The following LOC128125817 variants were observed in gnomAD, a reference collection of about 807,000 sequenced individuals.
chr1:41,599,763 G>A, the LOC128125817 span, among the ~76,000 whole-genome samples: 1 of 152,108 alleles, frequency 6.6e-6, no homozygotes, highest in Non-Finnish European at 1.5e-5. Flanking sequence ...TTCTATGCGT[G>A]AAAGGACAAC....
At chr1:41,625,663 A>C in the LOC128125817 span, among the ~76,000 whole-genome samples, 2 of 152,210 alleles carry the variant, frequency 1.3e-5, no homozygotes, top group African/African-American at 2.4e-5. Context: ...TGAGCCCAGG[A>C]GTTTGAGGCT....
At chr1:41,598,611 T>C in the LOC128125817 span, among the ~76,000 whole-genome samples, 1 of 152,114 alleles carries the variant, frequency 6.6e-6, no homozygotes, top group East Asian at 1.9e-4. Flanking sequence ...TTTCTTCATT[T>C]CTCCACTCAG....
chr1:41,617,626 G>A, the LOC128125817 span, among the ~76,000 whole-genome samples: 6 of 152,372 alleles, frequency 3.9e-5, no homozygotes, highest in South Asian at 1.2e-3. Context: ...CACAGAGAGG[G>A]ACATTGACAG....
the LOC128125817 span, among the ~76,000 whole-genome samples, chr1:41,598,771 A>G: frequency 6.6e-6 from 1 of 151,848 alleles, no homozygotes; most frequent in African/African-American, 2.4e-5. Flanking sequence ...AGAGTAGGGT[A>G]AGGAAACATA....
chr1:41,625,055 T>C, the LOC128125817 span, among the ~76,000 whole-genome samples: 89,655 of 150,506 alleles, frequency 0.6, 27,388 homozygotes, highest in African/African-American at 0.75. Context: ...CCCAGCTATT[T>C]GGGAGGCTGA....
At chr1:41,607,949 G>A in the LOC128125817 span, among the ~76,000 whole-genome samples, 1 of 152,152 alleles carries the variant, frequency 6.6e-6, no homozygotes, top group Non-Finnish European at 1.5e-5. Context: ...TAAAGGGGAG[G>A]GCAGAGCTGG....
the LOC128125817 span, among the ~76,000 whole-genome samples, chr1:41,620,984 T>C: frequency 6.6e-6 from 1 of 152,196 alleles, no homozygotes; most frequent in Non-Finnish European, 1.5e-5. Flanking sequence ...GTTCCATAAC[T>C]GGTCAGCCCC....
At chr1:41,626,100 G>A in the LOC128125817 span, among the ~76,000 whole-genome samples, 4 of 152,310 alleles carry the variant, frequency 2.6e-5, no homozygotes, top group East Asian at 1.9e-4. Context: ...TCTGAAGAGT[G>A]GCTGTGACTC....
chr1:41,599,842 A>T, the LOC128125817 span, among the ~76,000 whole-genome samples: 1 of 152,216 alleles, frequency 6.6e-6, no homozygotes, highest in African/African-American at 2.4e-5. Flanking sequence ...AGGGATTAAC[A>T]TGCAGAACTC....
the LOC128125817 span, among the ~76,000 whole-genome samples, chr1:41,610,030 G>A: frequency 6.6e-6 from 1 of 152,198 alleles, no homozygotes; most frequent in Non-Finnish European, 1.5e-5. Flanking sequence ...AGAGGACAGG[G>A]GAATGATGTC....
At chr1:41,607,729 C>T in the LOC128125817 span, among the ~76,000 whole-genome samples, 1 of 152,096 alleles carries the variant, frequency 6.6e-6, no homozygotes, top group African/African-American at 2.4e-5. Flanking sequence ...TATTAGGATA[C>T]AGGTTCTAGC....
chr1:41,589,297 A>C, the LOC128125817 span, among the ~76,000 whole-genome samples: 1 of 152,210 alleles, frequency 6.6e-6, no homozygotes, highest in Non-Finnish European at 1.5e-5. Context: ...TCGCTCAGAG[A>C]CCAGCTTATA....
the LOC128125817 span, among the ~76,000 whole-genome samples, chr1:41,619,243 C>T: frequency 1.3e-5 from 2 of 152,200 alleles, no homozygotes; most frequent in Non-Finnish European, 2.9e-5. Context: ...ACTTGCTCCT[C>T]GCCTCCCTCA....
the LOC128125817 span, among the ~76,000 whole-genome samples, chr1:41,605,402 CACACAT>C: frequency 0.011 from 1,678 of 151,780 alleles, 32 homozygotes; most frequent in African/African-American, 0.038. Context: ...CACACACACA[CACACAT>C]ACATATGTTA....
the LOC128125817 span, among the ~76,000 whole-genome samples, chr1:41,613,471 T>C: frequency 5.9e-5 from 9 of 152,348 alleles, no homozygotes; most frequent in Admixed American, 5.2e-4. Flanking sequence ...GCCTGCCACA[T>C]AGTAGGCACT....
chr1:41,585,311 CTCT>C, the LOC128125817 span: 3 of 399,066 alleles, frequency 7.5e-6, no homozygotes, highest in Non-Finnish European at 1.3e-5. Context: ...AGAAATCACG[CTCT>C]TCTTCTGTGT....
chr1:41,589,561 G>A, the LOC128125817 span, among the ~76,000 whole-genome samples: 1 of 152,240 alleles, frequency 6.6e-6, no homozygotes, highest in African/African-American at 2.4e-5. Flanking sequence ...CATGGCCCAG[G>A]GTGGACACCC....
the LOC128125817 span, among the ~76,000 whole-genome samples, chr1:41,616,683 C>T: frequency 1.4e-5 from 2 of 139,026 alleles, no homozygotes; most frequent in East Asian, 4.4e-4. Flanking sequence ...AAATTCCTGG[C>T]CTCAAATGAT....
At chr1:41,625,397 G>A in the LOC128125817 span, among the ~76,000 whole-genome samples, 1 of 152,066 alleles carries the variant, frequency 6.6e-6, no homozygotes, top group Admixed American at 6.6e-5. Flanking sequence ...TTTAAAAAAC[G>A]GTGTGGCTAT....
Sources: gnomAD v4.1 joint callset for allele counts (sites outside exome capture counted in the v4.1 genomes callset) on GRCh38, gnomAD v4.1.1 for gene constraint, MANE v1.5 for transcripts.